The following RGS7BP variants were observed in gnomAD, a reference collection of about 807,000 sequenced individuals.
RGS7BP encodes regulator of G protein signaling 7 binding protein, also known as regulator of G protein signaling 7-binding protein.
Under a neutral mutation model 31.3 loss-of-function variants are expected in RGS7BP, and 9 were observed. That is an observed-to-expected ratio of 0.29 (90% CI 0.17 to 0.50). The LOEUF is 0.50. Ranked by LOEUF, RGS7BP falls within the 20% of genes least tolerant of loss-of-function variation. The probability of loss-of-function intolerance (pLI) is 0.98; values close to 1 mark genes in which losing one functional copy is unlikely to be tolerated. For missense variants in RGS7BP, 274 were observed against 322.0 expected, an observed-to-expected ratio of 0.85 and a Z score of 1.14; for synonymous variants, 115 against 120.1, an observed-to-expected ratio of 0.96 and a Z score of 0.28.
chr5:64,507,822 A>G lies in RGS7BP; in HGVS notation c.277A>G (p.Thr93Ala), dbSNP rs751365167. 13 of 1,614,026 alleles carry G rather than the reference A, an allele frequency of 8.1e-6. 1 individual carries two copies. In the South Asian group the frequency reaches 1.3e-4, roughly 16 times the overall value. ...CCGGGCGGAAATGCACAAGACAAGA[A>G]CCAAAGGCTGTGAAATGGCCCGTCA... ...SLRAEMHKTR[T>A]KGCEMARQAH... Residue 93 changes from threonine to alanine, a missense_variant, in exon 2 of 6, where the codon ACC becomes GCC. This residue lies in a region of RGS7BP where 149 missense variants were observed against 152.6 expected (regional missense o/e 0.98). Coordinates refer to ENST00000334025, the MANE Select transcript of RGS7BP (RefSeq NM_001029875.3).
intron 2 of RGS7BP, among the ~76,000 whole-genome samples, chr5:64,512,294 G>A (rs1748859079): frequency 6.6e-6 from 1 of 152,184 alleles, no homozygotes; most frequent in African/African-American, 2.4e-5. Flanking sequence ...ATGGGAAAGA[G>A]CACTGATTCT....
intron 5 of RGS7BP, among the ~76,000 whole-genome samples, chr5:64,606,039 T>TATATATAG (rs1423740473): frequency 9.7e-5 from 12 of 123,720 alleles, no homozygotes; most frequent in African/African-American, 3.7e-4. Context: ...TATATATATA[T>TATATATAG]AGAGAGAGAG....
At chr5:64,534,322 G>C (rs900564355) in intron 2 of RGS7BP, among the ~76,000 whole-genome samples, 1 of 152,150 alleles carries the variant, frequency 6.6e-6, no homozygotes, top group African/African-American at 2.4e-5. Flanking sequence ...AGCCTGTCAG[G>C]GCCTCGCTAG....
intron 5 of RGS7BP, chr5:64,601,442 C>T: frequency 1.0e-6 from 1 of 984,092 alleles, no homozygotes; most frequent in Non-Finnish European, 1.2e-6. Context: ...TTTAAATCAA[C>T]TTTCAGTGGA....
At chr5:64,583,526 A>C (rs1475180971) in intron 3 of RGS7BP, among the ~76,000 whole-genome samples, 1 of 152,176 alleles carries the variant, frequency 6.6e-6, no homozygotes, top group Non-Finnish European at 1.5e-5. Flanking sequence ...GAAAAGAAAG[A>C]ACAGAAATAA....
chr5:64,567,514 A>G (rs1028610739), intron 2 of RGS7BP, among the ~76,000 whole-genome samples: 3 of 152,154 alleles, frequency 2.0e-5, no homozygotes, highest in Non-Finnish European at 2.9e-5. Context: ...TACTTGCTTT[A>G]TTACATATCT....
At chr5:64,513,075 G>T (rs1748882304) in intron 2 of RGS7BP, among the ~76,000 whole-genome samples, 1 of 152,242 alleles carries the variant, frequency 6.6e-6, no homozygotes, top group African/African-American at 2.4e-5. Context: ...GAATCACATG[G>T]ACCTTGTTTA....
chr5:64,546,992 T>C (rs748636434), intron 2 of RGS7BP, among the ~76,000 whole-genome samples: 15 of 152,212 alleles, frequency 9.9e-5, no homozygotes, highest in Admixed American at 9.8e-4. Context: ...TCCATCACCA[T>C]ACTTTTGCCA....
chr5:64,567,151 G>T lies in RGS7BP; in HGVS notation c.333-8623G>T, dbSNP rs145971944. On this transcript the variant is annotated intron_variant, in intron 2 of 5. Coordinates refer to ENST00000334025, the MANE Select transcript of RGS7BP (RefSeq NM_001029875.3). ...CAGCTACTGCGCATGTGCACCCAGAGGACCACCCAGAACATTCTTATTAGT... is the reference window on the plus strand; with the variant it reads ...CAGCTACTGCGCATGTGCACCCAGATGACCACCCAGAACATTCTTATTAGT... 3.6e-4 allele frequency among the ~76,000 whole-genome samples: 54 copies of T among 150,972 alleles called. No individual in the cohort carries two copies. In the East Asian group the frequency reaches 0.01, roughly 29 times the overall value.
chr5:64,522,301 A>G (rs1282328138), intron 2 of RGS7BP, among the ~76,000 whole-genome samples: 1 of 152,116 alleles, frequency 6.6e-6, no homozygotes, highest in Non-Finnish European at 1.5e-5. Flanking sequence ...ATGGCCAAAG[A>G]CCCCAGTTTT....
At chr5:64,565,123 A>G (rs1561336498) in intron 2 of RGS7BP, among the ~76,000 whole-genome samples, 1 of 152,096 alleles carries the variant, frequency 6.6e-6, no homozygotes, top group Non-Finnish European at 1.5e-5. Flanking sequence ...ACATAACCAT[A>G]CTGGAGACTT....
At chr5:64,573,833 T>G (rs566908070) in intron 2 of RGS7BP, among the ~76,000 whole-genome samples, 60 of 152,272 alleles carry the variant, frequency 3.9e-4, no homozygotes, top group African/African-American at 1.3e-3. Context: ...TTTGAGGTAA[T>G]AGATCTGTCA....
chr5:64,555,420 T>C (rs1375817132), intron 2 of RGS7BP, among the ~76,000 whole-genome samples: 1 of 152,194 alleles, frequency 6.6e-6, no homozygotes, highest in Admixed American at 6.6e-5. Flanking sequence ...TAGTTGAACC[T>C]GTTGATCTTG....
At chr5:64,569,917 G>A (rs1046728286) in intron 2 of RGS7BP, among the ~76,000 whole-genome samples, 1 of 152,066 alleles carries the variant, frequency 6.6e-6, no homozygotes, top group African/African-American at 2.4e-5. Flanking sequence ...TTGCCACTTG[G>A]CATAATAGCC....
Position 64,588,552 on chromosome 5 carries a change from A to C in RGS7BP, c.464-6158A>C, listed in dbSNP as rs201136453. On this transcript the variant is annotated intron_variant, in intron 3 of 5. Transcript: ENST00000334025. ...GGAATTAGGACTCAAAAAAACCAGC[A>C]CAAATGCTAATCCTCTTGCTACTCC... 3.0e-4 allele frequency among the ~76,000 whole-genome samples: 46 copies of C among 152,318 alleles called. No individual in the cohort carries two copies. In the East Asian group the frequency reaches 8.7e-3, roughly 29 times the overall value.
chr5:64,529,622 T>C (rs1306118392), intron 2 of RGS7BP, among the ~76,000 whole-genome samples: 2 of 152,254 alleles, frequency 1.3e-5, no homozygotes, highest in African/African-American at 4.8e-5. Flanking sequence ...GTCTGGGGCA[T>C]GGCCTGGGTT....
At chr5:64,529,573 A>G (rs1749320636) in intron 2 of RGS7BP, among the ~76,000 whole-genome samples, 1 of 152,150 alleles carries the variant, frequency 6.6e-6, no homozygotes, top group South Asian at 2.1e-4. Flanking sequence ...AAAAAATGCC[A>G]ATGTCTGGGT....
At chr5:64,576,190 CAAGGT>C (rs1437252421) in intron 3 of RGS7BP, among the ~76,000 whole-genome samples, 1 of 152,112 alleles carries the variant, frequency 6.6e-6, no homozygotes, top group African/African-American at 2.4e-5. Context: ...GCATAAACAG[CAAGGT>C]ATGTAGTGAT....
chr5:64,587,814 T>C (rs908971047), intron 3 of RGS7BP, among the ~76,000 whole-genome samples: 3 of 152,166 alleles, frequency 2.0e-5, no homozygotes, highest in African/African-American at 7.2e-5. Context: ...CAGGTACCCA[T>C]TGGAGATGGC....
Sources: allele counts gnomAD v4.1 joint callset (sites outside exome capture counted in the v4.1 genomes callset), GRCh38; gene constraint gnomAD v4.1.1; regional missense constraint gnomAD v4.1.1; transcripts MANE v1.5; gene names NCBI Gene and HGNC (gene_info 2026-07-23, HGNC 2026-07-21).